The following CSMD1 variants were observed in gnomAD, a reference collection of about 807,000 sequenced individuals.
The protein encoded by CSMD1 is CUB and sushi domain-containing protein 1.
Under a neutral mutation model 417.5 loss-of-function variants are expected in CSMD1, and 213 were observed. That is an observed-to-expected ratio of 0.51 (90% CI 0.46 to 0.57). The LOEUF (loss-of-function observed/expected upper bound fraction) is 0.57. Among genes scored for constraint, CSMD1 ranks in the 20% least tolerant of loss-of-function variants. CSMD1 has a pLI of 0.00. For synonymous variants in CSMD1, 2,862 were observed against 1,736.8 expected (o/e 1.65, Z -16.11); for missense variants, 6,923 against 4,529.7 (o/e 1.53, Z -15.17).
At chr8:3,462,262 T>C (rs1231392184) in intron 12 of CSMD1, among the ~76,000 whole-genome samples, 1 of 152,066 alleles carries the variant, frequency 6.6e-6, no homozygotes, top group Non-Finnish European at 1.5e-5. Context: ...ATTGCTTCAG[T>C]TTGGAAGACT....
intron 3 of CSMD1, among the ~76,000 whole-genome samples, chr8:4,310,467 G>A (rs1055617121): frequency 3.3e-5 from 5 of 152,096 alleles, no homozygotes; most frequent in African/African-American, 4.8e-5. Flanking sequence ...AACAGCATGC[G>A]TTATCTTTTA....
intron 2 of CSMD1, among the ~76,000 whole-genome samples, chr8:4,493,084 A>G (rs1055272497): frequency 2.0e-5 from 3 of 152,184 alleles, no homozygotes; most frequent in Non-Finnish European, 4.4e-5. Flanking sequence ...TTTGCTTATA[A>G]AAGTATACTG....
chr8:3,922,219 G>A (rs1809326303), intron 5 of CSMD1, among the ~76,000 whole-genome samples: 2 of 151,594 alleles, frequency 1.3e-5, no homozygotes, highest in South Asian at 4.2e-4. Context: ...TTAACCACTT[G>A]CATAAAAATA....
At chr8:4,742,323 C>A (rs900867116) in intron 1 of CSMD1, among the ~76,000 whole-genome samples, 3 of 151,924 alleles carry the variant, frequency 2.0e-5, no homozygotes, top group Non-Finnish European at 2.9e-5. Flanking sequence ...AGCCACTGCA[C>A]CTGACCAAGG....
intron 1 of CSMD1, among the ~76,000 whole-genome samples, chr8:4,814,316 G>C (rs1055154060): frequency 3.9e-5 from 6 of 152,182 alleles, no homozygotes; most frequent in African/African-American, 1.4e-4. Context: ...CACAAACTCA[G>C]TTCACTGCAA....
intron 2 of CSMD1, among the ~76,000 whole-genome samples, chr8:4,615,478 A>C (rs915502971): frequency 6.6e-6 from 1 of 152,222 alleles, no homozygotes; most frequent in African/African-American, 2.4e-5. Flanking sequence ...GGTCAAAGTA[A>C]TTTAATTGCT....
chr8:4,054,540 C>T (rs922625635), intron 3 of CSMD1, among the ~76,000 whole-genome samples: 1 of 152,006 alleles, frequency 6.6e-6, no homozygotes, highest in East Asian at 1.9e-4. Context: ...ATCAAACATG[C>T]CTGAGATGTC....
chr8:3,144,492 T>G (rs965960256), intron 40 of CSMD1, among the ~76,000 whole-genome samples: 1 of 152,076 alleles, frequency 6.6e-6, no homozygotes, highest in Non-Finnish European at 1.5e-5. Context: ...AGAATTCTTT[T>G]TAGAATGAGT....
chr8:3,956,695 C>A (rs1363219836), intron 5 of CSMD1, among the ~76,000 whole-genome samples: 1 of 152,028 alleles, frequency 6.6e-6, no homozygotes, highest in Admixed American at 6.6e-5. Context: ...GTGGCAGAAC[C>A]TATATTTGAA....
At chr8:4,238,741 A>G (rs571640347) in intron 3 of CSMD1, among the ~76,000 whole-genome samples, 4 of 152,256 alleles carry the variant, frequency 2.6e-5, no homozygotes, top group Admixed American at 6.5e-5. Flanking sequence ...CTTGCTTCCA[A>G]TTAAAGTTTT....
At chr8:4,956,883 G>C (rs974445882) in intron 1 of CSMD1, among the ~76,000 whole-genome samples, 2 of 152,080 alleles carry the variant, frequency 1.3e-5, no homozygotes, top group Non-Finnish European at 2.9e-5. Flanking sequence ...CACACCAAGC[G>C]GCAATCCCCA....
intron 23 of CSMD1, among the ~76,000 whole-genome samples, chr8:3,333,805 G>T (rs978127864): frequency 4.6e-5 from 7 of 152,172 alleles, no homozygotes; most frequent in African/African-American, 1.7e-4. Flanking sequence ...TAAAAAGCAA[G>T]AAGGCAGTGA....
intron 3 of CSMD1, among the ~76,000 whole-genome samples, chr8:4,271,933 C>T (rs1041240186): frequency 2.0e-5 from 3 of 152,164 alleles, no homozygotes; most frequent in African/African-American, 7.2e-5. Flanking sequence ...TAGCAAAATA[C>T]CTGCCCTACA....
chr8:4,639,365 C>A (rs1298219916), intron 1 of CSMD1, among the ~76,000 whole-genome samples: 2 of 151,194 alleles, frequency 1.3e-5, no homozygotes, highest in Non-Finnish European at 2.9e-5. Context: ...ACGGGGCAGA[C>A]AGATCGTTGG....
chr8:3,082,590 G>C (rs1814183722), intron 49 of CSMD1, among the ~76,000 whole-genome samples: 1 of 152,208 alleles, frequency 6.6e-6, no homozygotes, highest in African/African-American at 2.4e-5. Flanking sequence ...GTACCCGCCT[G>C]CAGTGCGTAA....
intron 26 of CSMD1, among the ~76,000 whole-genome samples, chr8:3,255,501 T>C (rs992279278): frequency 1.3e-5 from 2 of 152,318 alleles, no homozygotes; most frequent in East Asian, 3.9e-4. Flanking sequence ...CTCCTTGAGC[T>C]GTGGTGGGCT....
chr8:4,107,220 G>A lies in CSMD1; in HGVS notation c.416-75121C>T, dbSNP rs190831944. Among the ~76,000 whole-genome samples, 212 of 152,362 alleles carry A rather than the reference G, an allele frequency of 1.4e-3. 2 individuals are homozygous for A. Among genetic ancestry groups the A allele is most frequent in the African/African-American group, 4.9e-3 (204 of 41,590 alleles). On this transcript the variant is annotated intron_variant, in intron 3 of 69. Coordinates refer to ENST00000635120, the MANE Select transcript of CSMD1 (RefSeq NM_033225.6). Reference sequence around the variant, plus strand: ...AAACACTTGCACTACTACAGAGCTAGAAGTAGCTGGCGCCAGAATGGAAAC... The same window carrying A: ...AAACACTTGCACTACTACAGAGCTAAAAGTAGCTGGCGCCAGAATGGAAAC...
chr8:4,772,463 C>A (rs542003836), intron 1 of CSMD1, among the ~76,000 whole-genome samples: 2 of 152,150 alleles, frequency 1.3e-5, no homozygotes, highest in African/African-American at 4.8e-5. Flanking sequence ...ATATCATGAG[C>A]GTCATCCGGT....
At chr8:3,635,825 A>G (rs563427120) in intron 7 of CSMD1, among the ~76,000 whole-genome samples, 2 of 150,810 alleles carry the variant, frequency 1.3e-5, no homozygotes, top group South Asian at 4.2e-4. Context: ...AGAAAGAAAG[A>G]AAGAAAAAAA....
Sources: gnomAD v4.1 joint callset for allele counts (sites outside exome capture counted in the v4.1 genomes callset) on GRCh38, gnomAD v4.1.1 for gene constraint, MANE v1.5 for transcripts, NCBI Gene and HGNC (gene_info 2026-07-23, HGNC 2026-07-21) for gene names.